ST18: variants seen among roughly 807,000 people sequenced by gnomAD.
ST18 encodes the protein ST18 C2H2C-type zinc finger transcription factor.
A neutral mutation model predicts 110.0 loss-of-function variants in ST18; 50 were observed. The observed-to-expected ratio is 0.45, with a 90% CI of 0.36 to 0.58. The LOEUF is 0.58. ST18 is among the 20% of genes least tolerant of loss of function. ST18 has a pLI of 0.00. For synonymous variants in ST18, 461 were observed against 452.4 expected (o/e 1.02, Z -0.24); for missense variants, 1,306 against 1,280.1 (o/e 1.02, Z -0.31).
chr8:52,243,513 G>A (rs897248892), intron 2 of ST18, among the ~76,000 whole-genome samples: 2 of 152,136 alleles, frequency 1.3e-5, no homozygotes, highest in African/African-American at 4.8e-5. Flanking sequence ...AAGGGAAAGG[G>A]TTTGGGGAGC....
At chr8:52,119,214 G>C (rs1394710273) in intron 23 of ST18, among the ~76,000 whole-genome samples, 1 of 152,154 alleles carries the variant, frequency 6.6e-6, no homozygotes, top group Non-Finnish European at 1.5e-5. Context: ...ATAAAATGTA[G>C]AGCGCTAAAC....
chr8:52,292,919 C>T (rs1232664159), intron 2 of ST18, among the ~76,000 whole-genome samples: 1 of 152,184 alleles, frequency 6.6e-6, no homozygotes, highest in South Asian at 2.1e-4. Flanking sequence ...AGAAGTTATT[C>T]TGGCCTCTTT....
intron 2 of ST18, among the ~76,000 whole-genome samples, chr8:52,330,449 A>G (rs1808725976): frequency 6.6e-6 from 1 of 152,238 alleles, no homozygotes; most frequent in South Asian, 2.1e-4. Context: ...AAGCCTAACC[A>G]GAACTCCGAT....
At chr8:52,188,876 T>G (rs947760763) in intron 8 of ST18, among the ~76,000 whole-genome samples, 1 of 152,202 alleles carries the variant, frequency 6.6e-6, no homozygotes, top group Non-Finnish European at 1.5e-5. Flanking sequence ...ACTGGAATCA[T>G]GTAGTTACCA....
intron 2 of ST18, among the ~76,000 whole-genome samples, chr8:52,282,635 A>C (rs960010028): frequency 1.3e-5 from 2 of 152,144 alleles, no homozygotes; most frequent in East Asian, 3.9e-4. Flanking sequence ...GCCAGAAAAT[A>C]GTCCACAGGC....
At chr8:52,296,446 CA>C (rs1167161913) in intron 2 of ST18, 2 of 152,218 alleles carry the variant, frequency 1.3e-5, no homozygotes, top group Admixed American at 1.3e-4. Flanking sequence ...AAAAGCCACC[CA>C]TCTTTAACCA....
chr8:52,320,552 G>C (rs1803439920), intron 2 of ST18, among the ~76,000 whole-genome samples: 1 of 152,108 alleles, frequency 6.6e-6, no homozygotes, highest in Non-Finnish European at 1.5e-5. Context: ...AAAAGGGTGA[G>C]ACAAGTCTAT....
At chr8:52,315,621 GCTT>G (rs57287167) in intron 2 of ST18, among the ~76,000 whole-genome samples, 5,813 of 152,238 alleles carry the variant, frequency 0.038, 389 homozygotes, top group African/African-American at 0.13. Flanking sequence ...AGAGGAGGAA[GCTT>G]CTAACCTTTT....
chr8:52,199,144 T>C (rs1161370344), intron 8 of ST18: 1 of 151,842 alleles, frequency 6.6e-6, no homozygotes, highest in Non-Finnish European at 1.5e-5. Context: ...CATATTCTCA[T>C]TCAGGTTATT....
intron 2 of ST18, among the ~76,000 whole-genome samples, chr8:52,348,338 A>G (rs1413467986): frequency 1.3e-5 from 2 of 152,230 alleles, no homozygotes; most frequent in Non-Finnish European, 1.5e-5. Context: ...CTTTGCTTTG[A>G]ACAAGAGAAA....
intron 5 of ST18, among the ~76,000 whole-genome samples, chr8:52,219,959 A>G (rs2085996264): frequency 6.6e-6 from 1 of 152,188 alleles, no homozygotes; most frequent in African/African-American, 2.4e-5. Context: ...TTTTTGCCAA[A>G]CGACTCCAGC....
At chr8:52,362,498 C>G (rs1263996473) in intron 2 of ST18, among the ~76,000 whole-genome samples, 1 of 152,132 alleles carries the variant, frequency 6.6e-6, no homozygotes, top group African/African-American at 2.4e-5. Flanking sequence ...TGAGATTAAA[C>G]AGTCATAGTA....
intron 2 of ST18, among the ~76,000 whole-genome samples, chr8:52,290,827 C>T (rs1383728538): frequency 6.6e-6 from 1 of 152,220 alleles, no homozygotes; most frequent in African/African-American, 2.4e-5. Context: ...TGTGCTTTTC[C>T]TCCCTGACTT....
At chr8:52,296,595 T>C (rs2095641267) in intron 2 of ST18, 1 of 152,224 alleles carries the variant, frequency 6.6e-6, no homozygotes, top group Non-Finnish European at 1.5e-5. Flanking sequence ...ACTCACTTAC[T>C]GTAACTCAGC....
At chr8:52,400,409 AT>A (rs1405364014) in intron 2 of ST18, among the ~76,000 whole-genome samples, 1 of 152,072 alleles carries the variant, frequency 6.6e-6, no homozygotes, top group African/African-American at 2.4e-5. Context: ...ACATTCAGTT[AT>A]TATTGATAAT....
chr8:52,318,448 T>TG (rs1211398953), intron 2 of ST18, among the ~76,000 whole-genome samples: 1 of 152,160 alleles, frequency 6.6e-6, no homozygotes, highest in Admixed American at 6.5e-5. Context: ...ACACTGTTGG[T>TG]GGGAGTGTAA....
rs376282439 is a variant in ST18 at position 52,409,358 on chromosome 8, G to C, written c.-495C>G. The C allele has an allele frequency of 2.0e-5, 3 of 152,216 alleles. No individual in the cohort carries two copies. The South Asian group carries it at 6.2e-4, about 32-fold the overall frequency. 9.4% of individuals were successfully genotyped at this position (152,216 alleles called of 1,614,324 possible). A position where few individuals can be genotyped will look rare whatever the true frequency, so the allele number is the denominator to read the frequency against. On this transcript the variant is annotated 5_prime_UTR_variant, in exon 2 of 26. Coordinates refer to ENST00000689386, the MANE Select transcript of ST18 (RefSeq NM_001352837.2). ...CCTGGCGAACGTCTACAGGTGTGTC[G>C]AAAGTTATCTTTTCCTGGATGTGTT...
chr8:52,246,276 T>C (rs2093840529), intron 2 of ST18, among the ~76,000 whole-genome samples: 1 of 151,882 alleles, frequency 6.6e-6, no homozygotes, highest in Non-Finnish European at 1.5e-5. Flanking sequence ...ATTCAATGTA[T>C]CAATTAAAAG....
At chr8:52,368,726 A>G (rs1331749342) in intron 2 of ST18, among the ~76,000 whole-genome samples, 4 of 152,236 alleles carry the variant, frequency 2.6e-5, no homozygotes, top group Non-Finnish European at 4.4e-5. Context: ...ACATACTTCA[A>G]ACATCTAAAA....
Sources: allele counts gnomAD v4.1 joint callset (sites outside exome capture counted in the v4.1 genomes callset), GRCh38; gene constraint gnomAD v4.1.1; transcripts MANE v1.5; gene names NCBI Gene and HGNC (gene_info 2026-07-23, HGNC 2026-07-21).